Variants in EDDM13 observed in about 807,000 individuals in gnomAD.
EDDM13 encodes epididymal protein 13.
EDDM13 carries 24 observed loss-of-function variants against 17.8 expected under a neutral mutation model. That is an observed-to-expected ratio of 1.35 (90% confidence interval 0.98 to 1.90). EDDM13 has a LOEUF of 1.90. Among genes scored for constraint, EDDM13 ranks in the 40% most tolerant of loss-of-function variants. The pLI is 0.00. For missense variants in EDDM13, 97 were observed against 100.8 expected (o/e 0.96, Z 0.16); for synonymous variants, 31 against 37.5 (o/e 0.83, Z 0.63).
intron 14 of EDDM13, among the ~76,000 whole-genome samples, chr19:56,308,360 G>A (rs1028779383): frequency 7.0e-6 from 1 of 143,744 alleles, no homozygotes; most frequent in African/African-American, 2.6e-5. Flanking sequence ...GGCTCACTCT[G>A]TCACCCAGGC....
chr19:56,298,228 A>G (rs991473784), intron 12 of EDDM13: 3 of 152,228 alleles, frequency 2.0e-5, no homozygotes, highest in African/African-American at 7.2e-5. Flanking sequence ...TCTTGCAGGT[A>G]ACAAAATAAC....
At chr19:56,303,807 C>CGGGCAGGTAACGTCT (rs1306915299) in intron 13 of EDDM13, among the ~76,000 whole-genome samples, 1 of 119,938 alleles carries the variant, frequency 8.3e-6, no homozygotes, top group Non-Finnish European at 1.6e-5. Flanking sequence ...CAGCCTTCCC[C>CGGGCAGGTAACGTCT]GGGCAGGTAA....
chr19:56,279,488 C>T lies in EDDM13; in HGVS notation c.104-2205C>T, dbSNP rs1172739568. Reference sequence around the variant, plus strand: ...TCAGGTTGAAAGGAGATAAAAGGATCCAATATTAATTAAGCATTTAGCATG... The same window carrying T: ...TCAGGTTGAAAGGAGATAAAAGGATTCAATATTAATTAAGCATTTAGCATG... On this transcript the variant is annotated intron_variant, in intron 2 of 14. Coordinates refer to ENST00000649256, the MANE Select transcript of EDDM13 (RefSeq NM_001354658.2). 3.3e-5 allele frequency among the ~76,000 whole-genome samples: 5 copies of T among 152,228 alleles called. No individual in the cohort carries two copies. In the South Asian group the frequency reaches 1.0e-3, roughly 32 times the overall value.
rs960484671 is a variant in EDDM13 at position 56,276,114 on chromosome 19, G to A, written c.103+5G>A. Among the ~76,000 whole-genome samples, 3 of 152,172 alleles carry A rather than the reference G, an allele frequency of 2.0e-5. No homozygotes were observed. The highest frequency in any genetic ancestry group is 7.2e-5 in the African/African-American group (3 of 41,444). ...CAGTTGCAACTAAAGAAAAAAGTAA[G>A]AACCGTGGAACCCCCAAGTCTGTAT... On this transcript the variant is annotated splice_donor_5th_base_variant and intron_variant, in intron 2 of 14. Transcript: ENST00000649256.
intron 9 of EDDM13, among the ~76,000 whole-genome samples, chr19:56,294,749 G>A (rs528039693): frequency 3.3e-5 from 5 of 152,298 alleles, no homozygotes; most frequent in East Asian, 1.9e-4. Flanking sequence ...TCCACCCACC[G>A]ATGAATGGGT....
intron 10 of EDDM13, 33 bp downstream of exon 10, chr19:56,296,000 C>G (rs2039848515): frequency 6.6e-6 from 1 of 152,518 alleles, no homozygotes; most frequent in Non-Finnish European, 1.5e-5. Flanking sequence ...CCCCGGGACT[C>G]TGTAGGAAGC....
At chr19:56,301,907 G>C (rs775463718) in intron 12 of EDDM13, 61 bp from the exon 13 acceptor site, 139 of 1,231,588 alleles carry the variant, frequency 1.1e-4, no homozygotes, top group Non-Finnish European at 1.4e-4. Context: ...AGCAGTGACA[G>C]GAAGCTCTAA....
At chr19:56,300,651 A>G (rs2040162432) in intron 12 of EDDM13, among the ~76,000 whole-genome samples, 1 of 152,244 alleles carries the variant, frequency 6.6e-6, no homozygotes, top group Non-Finnish European at 1.5e-5. Context: ...TCTAAAGTAA[A>G]TGCTCTAAGC....
intron 13 of EDDM13, among the ~76,000 whole-genome samples, chr19:56,302,648 TCC>T (rs201988390): frequency 1.1e-4 from 13 of 119,990 alleles, no homozygotes; most frequent in Non-Finnish European, 2.1e-4. Context: ...TTCCTTTTCT[TCC>T]CCCCCTCCCT....
At position 56,285,030 on chromosome 19, in the gene EDDM13, T is replaced by G. The variant is rs1478361461; in HGVS notation, c.154+6T>G. On this transcript the variant is annotated splice_donor_region_variant and intron_variant, in intron 6 of 14. Transcript: ENST00000649256. ...GAGCAGACTGTCACCGGATGGTAAGTGTCAGGATTGTATCTTTTAAACCTG... is the reference window on the plus strand; with the variant it reads ...GAGCAGACTGTCACCGGATGGTAAGGGTCAGGATTGTATCTTTTAAACCTG... 1.0e-6 allele frequency: 1 copy of G among 985,116 alleles called. No individual in the cohort carries two copies. Among genetic ancestry groups the G allele is most frequent in the Non-Finnish European group, 1.2e-6 (1 of 829,754 alleles). 61.0% of individuals were successfully genotyped at this position (985,116 alleles called of 1,614,324 possible).
chr19:56,298,507 G>C (rs577098764), intron 12 of EDDM13, among the ~76,000 whole-genome samples: 192 of 151,902 alleles, frequency 1.3e-3, no homozygotes, highest in African/African-American at 4.4e-3. Context: ...AAAAAAATTA[G>C]CCAGGCGTGG....
chr19:56,295,424 G>A (rs1432797259), intron 9 of EDDM13, among the ~76,000 whole-genome samples: 4 of 152,058 alleles, frequency 2.6e-5, no homozygotes, highest in Admixed American at 6.5e-5. Context: ...TGAAACCTCC[G>A]TTTCTACTAA....
intron 1 of EDDM13, chr19:56,274,537 G>C (rs11084442): frequency 6.6e-6 from 1 of 151,478 alleles, no homozygotes; most frequent in Non-Finnish European, 1.5e-5. Context: ...TTAGACTTGA[G>C]GAAAAGTCAC....
At chr19:56,278,409 C>T (rs2038428197) in intron 2 of EDDM13, among the ~76,000 whole-genome samples, 1 of 152,200 alleles carries the variant, frequency 6.6e-6, no homozygotes, top group South Asian at 2.1e-4. Context: ...GCTGGGATTA[C>T]AGGCGTGAGC....
chr19:56,303,540 G>A (rs150906982), intron 13 of EDDM13, among the ~76,000 whole-genome samples: 150 of 151,804 alleles, frequency 9.9e-4, no homozygotes, highest in African/African-American at 2.7e-3. Context: ...GAGGCAAGAC[G>A]GAAGGGAAGG....
At chr19:56,308,331 C>CTT (rs543582885) in intron 14 of EDDM13, among the ~76,000 whole-genome samples, 1 of 144,668 alleles carries the variant, frequency 6.9e-6, no homozygotes, top group East Asian at 2.0e-4. Context: ...GGCTCCCAGT[C>CTT]TTTTTTTTTT....
chr19:56,308,237 T>C (rs2040824309), intron 14 of EDDM13, among the ~76,000 whole-genome samples: 1 of 152,220 alleles, frequency 6.6e-6, no homozygotes, highest in African/African-American at 2.4e-5. Context: ...TTTCACCATG[T>C]TGGCCAGGAT....
In EDDM13 at chr19:56,310,164, T is replaced by G. The variant is rs2040946825; in HGVS notation, c.*16T>G. On this transcript the variant is annotated 3_prime_UTR_variant, in exon 15 of 15. Transcript: ENST00000649256. ...TTCTTTCTAGTGAGCCTGCTCCATC[T>G]CAGCTTAGCCTTCACAAGGCCTCCA... The G allele has an allele frequency of 6.6e-6, 1 of 152,456 alleles. No homozygotes were observed. Among genetic ancestry groups the G allele is most frequent in the East Asian group, 1.9e-4 (1 of 5,184 alleles). The allele number at this position is 152,456 out of a possible 1,614,324, so 9.4% of individuals were successfully genotyped here.
chr19:56,275,050 G>A (rs2038146407), intron 1 of EDDM13: 1 of 152,150 alleles, frequency 6.6e-6, no homozygotes, highest in Non-Finnish European at 1.5e-5. Context: ...CCTTCCCCGG[G>A]AATTATATCA....
Sources: allele counts gnomAD v4.1 joint callset (sites outside exome capture counted in the v4.1 genomes callset), GRCh38; gene constraint gnomAD v4.1.1; transcripts MANE v1.5; gene names NCBI Gene and HGNC (gene_info 2026-07-23, HGNC 2026-07-21).